Variants in DCHS2 observed in about 807,000 individuals in gnomAD.
DCHS2 encodes the protein protocadherin-23.
A neutral mutation model predicts 182.4 loss-of-function variants in DCHS2; 142 were observed. The ratio of observed to expected loss-of-function variants is 0.78; its 90% CI spans 0.68 to 0.89. The LOEUF is 0.89. Ranked by LOEUF, DCHS2 falls within the 40% of genes least tolerant of loss-of-function variation. The pLI is 0.00. For missense variants in DCHS2, 4,319 were observed against 4,198.6 expected, an observed-to-expected ratio of 1.03 and a Z score of -0.79; for synonymous variants, 1,740 against 1,663.3, an observed-to-expected ratio of 1.05 and a Z score of -1.12.
chr4:154,423,064 T>C (rs1374837044), intron 1 of DCHS2, among the ~76,000 whole-genome samples: 3 of 152,340 alleles, frequency 2.0e-5, no homozygotes, highest in East Asian at 3.9e-4. Flanking sequence ...ATTTATTGTA[T>C]TGATTTAAAA....
chr4:154,454,245 G>T (rs1420665106), intron 1 of DCHS2, among the ~76,000 whole-genome samples: 1 of 151,984 alleles, frequency 6.6e-6, no homozygotes, highest in Non-Finnish European at 1.5e-5. Context: ...ACAACAATCT[G>T]CCTATTCTTT....
intron 1 of DCHS2, among the ~76,000 whole-genome samples, chr4:154,442,220 T>A (rs1040034362): frequency 1.3e-5 from 2 of 152,082 alleles, no homozygotes; most frequent in Non-Finnish European, 2.9e-5. Context: ...AAATGAGTCA[T>A]CCCAAGGAGG....
intron 1 of DCHS2, among the ~76,000 whole-genome samples, chr4:154,386,004 T>C (rs775763273): frequency 6.6e-6 from 1 of 151,978 alleles, no homozygotes; most frequent in Non-Finnish European, 1.5e-5. Context: ...CTAATTGGCA[T>C]CTCAAATGCA....
Position 154,235,419 on chromosome 4 carries a change from A to G in DCHS2, c.9233T>C (p.Met3078Thr), listed in dbSNP as rs1731422043. 1.2e-6 allele frequency: 2 copies of G among 1,614,014 alleles called. No individual in the cohort carries two copies. Among genetic ancestry groups the G allele is most frequent in the South Asian group, 1.1e-5 (1 of 91,076 alleles). ...GTACAGATTGACAATATCCTTCTCC[A>G]TGATACTTATTAAACTCAACCATTC... ...TPEWLSLISIMEKDIVNLYRH... is the reference protein window; with the variant it reads ...TPEWLSLISITEKDIVNLYRH... The change falls in exon 20 of 20, where the codon ATG (methionine) becomes ACG (threonine). Residue 3078 changes from methionine (M) to threonine (T), a missense_variant. By Grantham distance (81) the Met-to-Thr change is moderately conservative (BLOSUM62 -1). Coordinates refer to ENST00000357232, the MANE Select transcript of DCHS2 (RefSeq NM_001358235.2).
chr4:154,436,544 T>G (rs2110946336), intron 1 of DCHS2, among the ~76,000 whole-genome samples: 1 of 152,362 alleles, frequency 6.6e-6, no homozygotes, highest in African/African-American at 2.4e-5. Flanking sequence ...ACCACATTAC[T>G]GTATGGTTTA....
chr4:154,360,504 A>C (rs980710060), intron 3 of DCHS2, among the ~76,000 whole-genome samples: 7 of 152,146 alleles, frequency 4.6e-5, no homozygotes, highest in African/African-American at 1.7e-4. Context: ...CTTGCAAATA[A>C]GAGAAAGTCA....
At chr4:154,402,487 A>C (rs901684454) in intron 1 of DCHS2, among the ~76,000 whole-genome samples, 37 of 152,226 alleles carry the variant, frequency 2.4e-4, no homozygotes, top group African/African-American at 8.7e-4. Context: ...TAAAAGTACT[A>C]AGTATACCAT....
chr4:154,252,793 G>A (rs1367741793), intron 16 of DCHS2, among the ~76,000 whole-genome samples: 3 of 151,870 alleles, frequency 2.0e-5, no homozygotes, highest in East Asian at 1.9e-4. Context: ...ATAAATTGTC[G>A]ATATAGTGAT....
intron 3 of DCHS2, chr4:154,343,763 T>G: frequency 9.7e-7 from 1 of 1,034,620 alleles, no homozygotes; most frequent in South Asian, 5.0e-5. Flanking sequence ...ATGAGTCTCT[T>G]TTGCTTTCTT....
Position 154,488,900 on chromosome 4 carries a change from GTC to G in DCHS2, c.2052+402_2052+403del, listed in dbSNP as rs1432279535. Among the ~76,000 whole-genome samples the G allele has an allele frequency of 2.3e-3, 33 of 14,464 alleles. 1 individual carries two copies. The highest frequency in any genetic ancestry group is 2.7e-3 in the African/African-American group (24 of 8,914). The allele number at this position is 14,464 out of a possible 152,430, so 9.5% of individuals were successfully genotyped here. A position where few individuals can be genotyped will look rare whatever the true frequency, so the allele number is the denominator to read the frequency against. ...AAAATATATATATGTGTGTGTGTGTGTCTGTGTGTGTGTGTGTGTGTGTGTGT... is the reference window on the plus strand; with the variant it reads ...AAAATATATATATGTGTGTGTGTGTGTGTGTGTGTGTGTGTGTGTGTGTGT... On this transcript the variant is annotated intron_variant, in intron 1 of 19. Transcript: ENST00000357232.
At chr4:154,256,049 T>C (rs1370288256) in intron 15 of DCHS2, among the ~76,000 whole-genome samples, 2 of 152,226 alleles carry the variant, frequency 1.3e-5, no homozygotes, top group African/African-American at 4.8e-5. Flanking sequence ...AATCTCCACA[T>C]AGTGATAATT....
intron 16 of DCHS2, 111 bp from the exon 17 acceptor site, chr4:154,242,883 T>A: frequency 7.3e-7 from 1 of 1,372,336 alleles, no homozygotes. Flanking sequence ...CTAGCTACTT[T>A]TATTTTTCTC....
At position 154,320,603 on chromosome 4, in the gene DCHS2, C is replaced by G; in HGVS notation, c.4796G>C (p.Arg1599Pro). 1 of 1,614,020 alleles carries G rather than the reference C, an allele frequency of 6.2e-7. No individual in the cohort carries two copies. Among genetic ancestry groups the G allele is most frequent in the Non-Finnish European group, 8.5e-7 (1 of 1,179,980 alleles). The change falls in exon 9 of 20, where the codon CGG becomes CCG. Residue 1599 changes from arginine to proline, a missense_variant. Arg to Pro is a moderately radical substitution (Grantham distance 103, BLOSUM62 -2). Transcript: ENST00000357232. Reference protein sequence around the residue: ...ASDQAVNVTDRRLRSLTAQIV... With the variant: ...ASDQAVNVTDPRLRSLTAQIV... Reference sequence around the variant, plus strand: ...TTGTGCTGTCAGTGATCTCAGTCGCCGGTCTGTCACATTCACAGCCTGATC... The same window carrying G: ...TTGTGCTGTCAGTGATCTCAGTCGCGGGTCTGTCACATTCACAGCCTGATC...
intron 3 of DCHS2, among the ~76,000 whole-genome samples, chr4:154,357,513 C>A (rs185235032): frequency 9.5e-4 from 145 of 152,314 alleles, no homozygotes; most frequent in Admixed American, 5.4e-3. Context: ...TAGTTCACTG[C>A]AACCTTGGTG....
chr4:154,376,410 A>G (rs1730895167), intron 2 of DCHS2, among the ~76,000 whole-genome samples: 1 of 151,758 alleles, frequency 6.6e-6, no homozygotes, highest in South Asian at 2.1e-4. Flanking sequence ...GGAAAAAGAC[A>G]TTATTGTTTA....
At chr4:154,295,486 G>A (rs1356577426) in intron 13 of DCHS2, among the ~76,000 whole-genome samples, 1 of 152,120 alleles carries the variant, frequency 6.6e-6, no homozygotes, top group Non-Finnish European at 1.5e-5. Flanking sequence ...TGTGTTTATG[G>A]AGAAATTCAT....
At chr4:154,419,477 C>A (rs552421211) in intron 1 of DCHS2, among the ~76,000 whole-genome samples, 1 of 151,570 alleles carries the variant, frequency 6.6e-6, no homozygotes, top group African/African-American at 2.4e-5. Flanking sequence ...GTGGTGAAAC[C>A]CCATCTCTAC....
At chr4:154,342,775 A>G (rs1729168168) in intron 3 of DCHS2, among the ~76,000 whole-genome samples, 1 of 152,044 alleles carries the variant, frequency 6.6e-6, no homozygotes, top group Non-Finnish European at 1.5e-5. Context: ...GTTGGAGTCA[A>G]CTTCTTCCAA....
At chr4:154,368,668 C>T (rs1193192245) in intron 2 of DCHS2, among the ~76,000 whole-genome samples, 1 of 152,136 alleles carries the variant, frequency 6.6e-6, no homozygotes, top group Non-Finnish European at 1.5e-5. Context: ...AGGCACACAC[C>T]ACCACACCCG....
Sources: gnomAD v4.1 joint callset for allele counts (sites outside exome capture counted in the v4.1 genomes callset) on GRCh38, gnomAD v4.1.1 for gene constraint, MANE v1.5 for transcripts, NCBI Gene and HGNC (gene_info 2026-07-23, HGNC 2026-07-21) for gene names.